Variants in TRPC4 observed in about 807,000 individuals in gnomAD.
The protein encoded by TRPC4 is short transient receptor potential channel 4.
TRPC4 carries 49 observed loss-of-function variants against 99.4 expected under a neutral mutation model. That is an observed-to-expected ratio of 0.49 (90% confidence interval 0.39 to 0.63). The LOEUF is 0.63. Among genes scored for constraint, TRPC4 ranks in the 20% least tolerant of loss-of-function variants. The pLI, the probability that TRPC4 is intolerant of heterozygous loss-of-function variation, is 0.00. For synonymous variants in TRPC4, 454 were observed against 425.9 expected, an observed-to-expected ratio of 1.07 and a Z score of -0.81; for missense variants, 898 against 1,152.9, an observed-to-expected ratio of 0.78 and a Z score of 3.20.
chr13:37,848,704 C>A (rs1374326163), intron 1 of TRPC4, among the ~76,000 whole-genome samples: 3 of 152,126 alleles, frequency 2.0e-5, no homozygotes, highest in Non-Finnish European at 4.4e-5. Context: ...TCAAGAACAA[C>A]TTCAAGCAGA....
At chr13:37,744,523 G>C (rs1174420067) in intron 3 of TRPC4, among the ~76,000 whole-genome samples, 2 of 152,080 alleles carry the variant, frequency 1.3e-5, no homozygotes, top group East Asian at 3.9e-4. Flanking sequence ...CCTTGTTTCA[G>C]GCTTCCATGA....
intron 1 of TRPC4, 147 bp downstream of exon 1, chr13:37,869,448 C>T (rs961819022): frequency 2.6e-4 from 39 of 152,180 alleles, no homozygotes; most frequent in African/African-American, 9.4e-4. Context: ...ATAGCCAGAA[C>T]CTTTTGAACT....
intron 3 of TRPC4, among the ~76,000 whole-genome samples, chr13:37,729,048 G>C (rs1055998524): frequency 6.6e-6 from 1 of 151,960 alleles, no homozygotes; most frequent in African/African-American, 2.4e-5. Flanking sequence ...CCTAAACATA[G>C]ACCTAAAACT....
At chr13:37,850,184 C>T (rs1959018963) in intron 1 of TRPC4, among the ~76,000 whole-genome samples, 1 of 152,082 alleles carries the variant, frequency 6.6e-6, no homozygotes, top group Admixed American at 6.6e-5. Context: ...CCTTCCAATC[C>T]TTTTATAATG....
At chr13:37,718,445 G>A (rs1954752541) in intron 3 of TRPC4, among the ~76,000 whole-genome samples, 1 of 151,728 alleles carries the variant, frequency 6.6e-6, no homozygotes, top group Non-Finnish European at 1.5e-5. Context: ...AATCAATGAA[G>A]ACTGACCCTG....
chr13:37,681,533 G>A (rs1018124468), intron 4 of TRPC4, among the ~76,000 whole-genome samples: 1 of 152,094 alleles, frequency 6.6e-6, no homozygotes, highest in African/African-American at 2.4e-5. Context: ...GATGACTGTG[G>A]ATTTATGTTT....
At chr13:37,676,582 A>G (rs1457108028) in intron 4 of TRPC4, among the ~76,000 whole-genome samples, 1 of 152,086 alleles carries the variant, frequency 6.6e-6, no homozygotes, top group Non-Finnish European at 1.5e-5. Flanking sequence ...CATGTTGGCC[A>G]GGATGGTCTC....
chr13:37,756,914 T>C (rs996583903), intron 2 of TRPC4, among the ~76,000 whole-genome samples: 2 of 152,062 alleles, frequency 1.3e-5, no homozygotes, highest in Non-Finnish European at 2.9e-5. Flanking sequence ...TTAAAAGAAA[T>C]TCGGCACGAT....
Position 37,688,668 on chromosome 13 carries a change from G to A in TRPC4, c.1234+3331C>T, listed in dbSNP as rs116570969. On this transcript the variant is annotated intron_variant, in intron 4 of 10. Transcript: ENST00000379705. ...AATGCGAGGAAGATCTTTTGAAAAC[G>A]GAAGAAAAGTGAATTTAGTACAAAT... 2.7e-3 allele frequency among the ~76,000 whole-genome samples: 406 copies of A among 152,150 alleles called. 1 individual carries two copies. Among genetic ancestry groups the A allele is most frequent in the African/African-American group, 9.4e-3 (392 of 41,496 alleles).
chr13:37,648,156 T>A (rs1297410171), intron 8 of TRPC4, among the ~76,000 whole-genome samples: 1 of 152,150 alleles, frequency 6.6e-6, no homozygotes, highest in Admixed American at 6.5e-5. Flanking sequence ...TTGGCCAGGA[T>A]GGTCTCTATC....
At chr13:37,751,693 C>A (rs1955937778) in intron 2 of TRPC4, among the ~76,000 whole-genome samples, 1 of 151,846 alleles carries the variant, frequency 6.6e-6, no homozygotes, top group Non-Finnish European at 1.5e-5. Context: ...TATATTGAAT[C>A]AACAAATATT....
Position 37,636,379 on chromosome 13 carries a change from C to T in TRPC4, c.*524G>A, listed in dbSNP as rs1038274869. Among the ~76,000 whole-genome samples the T allele has an allele frequency of 2.0e-5, 3 of 152,012 alleles. No homozygotes were observed. Among genetic ancestry groups the T allele is most frequent in the African/African-American group, 7.2e-5 (3 of 41,412 alleles). ...ACTCCATGAGAAGAAGACTTGTTTG[C>T]TTTGTGTACAATAATTATTTACATG... is the stretch of plus-strand genomic sequence containing the variant. On this transcript the variant is annotated 3_prime_UTR_variant, in exon 11 of 11. Transcript: ENST00000379705.
At chr13:37,724,927 T>C (rs558402261) in intron 3 of TRPC4, among the ~76,000 whole-genome samples, 10 of 152,276 alleles carry the variant, frequency 6.6e-5, no homozygotes, top group African/African-American at 2.4e-4. Context: ...TCAATAGAAG[T>C]TGTTTCTGAG....
intron 1 of TRPC4, among the ~76,000 whole-genome samples, chr13:37,805,616 G>A (rs903331535): frequency 1.6e-4 from 25 of 151,902 alleles, no homozygotes; most frequent in African/African-American, 6.0e-4. Context: ...CTTTTGTAGG[G>A]TATGTTTCAC....
At chr13:37,699,584 T>C (rs1954035547) in intron 3 of TRPC4, among the ~76,000 whole-genome samples, 1 of 152,178 alleles carries the variant, frequency 6.6e-6, no homozygotes, top group African/African-American at 2.4e-5. Flanking sequence ...AGAAGACTAA[T>C]TGATAAACTA....
intron 1 of TRPC4, among the ~76,000 whole-genome samples, chr13:37,827,333 G>A (rs1349268994): frequency 1.3e-5 from 2 of 152,158 alleles, no homozygotes; most frequent in African/African-American, 2.4e-5. Flanking sequence ...CATTCCTTTC[G>A]AGGTGGAGAG....
At chr13:37,820,608 C>T (rs1044980204) in intron 1 of TRPC4, among the ~76,000 whole-genome samples, 2 of 152,066 alleles carry the variant, frequency 1.3e-5, no homozygotes, top group African/African-American at 4.8e-5. Flanking sequence ...TAGGCTTTAT[C>T]CCTGCAATGC....
intron 2 of TRPC4, among the ~76,000 whole-genome samples, chr13:37,774,385 G>T (rs936824866): frequency 6.6e-6 from 1 of 151,676 alleles, no homozygotes; most frequent in Non-Finnish European, 1.5e-5. Context: ...TTGGAACTTT[G>T]ACATATTTAG....
intron 1 of TRPC4, among the ~76,000 whole-genome samples, chr13:37,791,478 C>A (rs1182461793): frequency 1.3e-5 from 2 of 150,174 alleles, no homozygotes; most frequent in Non-Finnish European, 1.5e-5. Context: ...GTCTGTTTTG[C>A]TCACTGAAAT....
Sources: allele counts gnomAD v4.1 joint callset (sites outside exome capture counted in the v4.1 genomes callset), GRCh38; gene constraint gnomAD v4.1.1; transcripts MANE v1.5; gene names NCBI Gene and HGNC (gene_info 2026-07-23, HGNC 2026-07-21).